The following MAP4 variants were observed in gnomAD, a reference collection of about 807,000 sequenced individuals.
MAP4 encodes the protein microtubule-associated protein 4.
In MAP4, 76 loss-of-function variants were observed where a neutral mutation model predicts 170.2. The ratio of observed to expected loss-of-function variants is 0.45; its 90% confidence interval spans 0.37 to 0.54. The LOEUF is 0.54. MAP4 is among the 20% of genes least tolerant of loss of function. MAP4 has a pLI of 0.00. For missense variants in MAP4, 2,506 were observed against 2,748.0 expected (o/e 0.91, Z 1.97); for synonymous variants, 909 against 994.5 (o/e 0.91, Z 1.62).
In MAP4 at chr3:48,086,088, ATG is replaced by A. The variant is rs542134396; in HGVS notation, c.-20+2683_-20+2684del. 4.3e-3 allele frequency among the ~76,000 whole-genome samples: 656 copies of A among 150,910 alleles called. 8 individuals are homozygous for A. Among genetic ancestry groups the A allele is most frequent in the Non-Finnish European group, 3.6e-3 (242 of 67,936 alleles). ...TATATATGTGTGTGTATATGTATGT[ATG>A]TGTGTATATATATGTATATGTGTAT... On this transcript the variant is annotated intron_variant, in intron 1 of 18. Transcript: ENST00000360240.
At chr3:48,031,305 A>T (rs2100115974) in intron 1 of MAP4, among the ~76,000 whole-genome samples, 1 of 152,232 alleles carries the variant, frequency 6.6e-6, no homozygotes, top group Admixed American at 6.5e-5. Context: ...TAATCCCAGC[A>T]CTTTGGGAAG....
At chr3:47,965,908 T>C (rs1213946388) in intron 3 of MAP4, among the ~76,000 whole-genome samples, 5 of 152,214 alleles carry the variant, frequency 3.3e-5, no homozygotes, top group African/African-American at 1.2e-4. Flanking sequence ...TTTTTTCTTT[T>C]GTCGTCTGTG....
chr3:47,929,485 A>G lies in MAP4; in HGVS notation c.293-1135T>C, dbSNP rs534282812. On this transcript the variant is annotated intron_variant, in intron 3 of 20. Coordinates refer to ENST00000683076, the MANE Select transcript of MAP4 (RefSeq NM_001385682.1). ...GCTATCTACAAACATAATATAATTC[A>G]ACATAATTATATTCAACCCAGAAAC... 4.6e-5 allele frequency among the ~76,000 whole-genome samples: 7 copies of G among 152,228 alleles called. No individual in the cohort carries two copies. In the East Asian group the frequency reaches 1.3e-3, roughly 29 times the overall value.
At chr3:47,942,753 G>A (rs1005073222) in intron 3 of MAP4, among the ~76,000 whole-genome samples, 7 of 152,218 alleles carry the variant, frequency 4.6e-5, no homozygotes, top group Middle Eastern at 3.4e-3. Flanking sequence ...TGGTAAAATC[G>A]TATTGATTGT....
chr3:48,002,954 A>AAAAT (rs55814118), intron 1 of MAP4, among the ~76,000 whole-genome samples: 44,630 of 144,514 alleles, frequency 0.31, 7,082 homozygotes, highest in East Asian at 0.45. Context: ...ATTAAGGCCA[A>AAAAT]AAATAAATAA....
In MAP4 at chr3:47,910,116, C is replaced by T. The variant is rs1221599206; in HGVS notation, c.4305G>A (p.Leu1435=). 1 of 1,613,950 alleles carries T rather than the reference C, an allele frequency of 6.2e-7. No homozygotes were observed. Among genetic ancestry groups the T allele is most frequent in the African/African-American group, 1.3e-5 (1 of 75,022 alleles). Residue 1435 remains leucine, a synonymous_variant, in exon 9 of 21, where the codon CTG becomes CTA. Transcript: ENST00000683076. ...LINKSSPLEV[L]ESAACEKLPT... ...GCAGTTTTTCACAGGCTGCTGATTC[C>T]AGAACCTCTAGAGGAGATGATTTAT...
intron 2 of MAP4, among the ~76,000 whole-genome samples, chr3:47,979,246 G>C (rs1420552419): frequency 8.3e-6 from 1 of 121,114 alleles, no homozygotes; most frequent in Admixed American, 8.8e-5. Flanking sequence ...TGATTAGGTA[G>C]TTACCTAATC....
At chr3:48,065,057 A>AAGTTCCAGGCTGC in intron 1 of MAP4, among the ~76,000 whole-genome samples, 1 of 152,228 alleles carries the variant, frequency 6.6e-6, no homozygotes, top group Admixed American at 6.5e-5. Context: ...TTGAACCCAG[A>AAGTTCCAGGCTGC]AGTTCCAGGC....
intron 3 of MAP4, among the ~76,000 whole-genome samples, chr3:47,972,140 TAGATATAAA>T (rs2100079150): frequency 6.6e-6 from 1 of 152,216 alleles, no homozygotes; most frequent in Non-Finnish European, 1.5e-5. Context: ...GCAAATTACT[TAGATATAAA>T]ATATTTTTAA....
chr3:47,901,512 C>CA (rs968630583), intron 10 of MAP4, among the ~76,000 whole-genome samples: 3 of 151,926 alleles, frequency 2.0e-5, no homozygotes, highest in African/African-American at 4.8e-5. Context: ...CCAGCCTCTA[C>CA]AAAAAATACA....
At chr3:47,954,519 C>T (rs1330121635) in intron 3 of MAP4, among the ~76,000 whole-genome samples, 1 of 152,194 alleles carries the variant, frequency 6.6e-6, no homozygotes, top group Non-Finnish European at 1.5e-5. Flanking sequence ...GACCTCTCAT[C>T]TAATTTCTAG....
chr3:47,885,754 A>G (rs1160408257), intron 10 of MAP4, among the ~76,000 whole-genome samples: 2 of 146,960 alleles, frequency 1.4e-5, no homozygotes, highest in Non-Finnish European at 1.5e-5. Flanking sequence ...TTTGAGACGG[A>G]ATCTCGCTCT....
chr3:48,053,535 TTTTTTA>T (rs1386602765), intron 1 of MAP4, among the ~76,000 whole-genome samples: 1 of 152,190 alleles, frequency 6.6e-6, no homozygotes, highest in African/African-American at 2.4e-5. Flanking sequence ...CACTTTTATT[TTTTTTA>T]TTTTTAAACT....
chr3:47,949,022 T>C (rs1356941001), intron 3 of MAP4, among the ~76,000 whole-genome samples: 2 of 152,162 alleles, frequency 1.3e-5, no homozygotes, highest in Non-Finnish European at 2.9e-5. Flanking sequence ...CAAACTGCAG[T>C]TTTTCTTTCA....
chr3:47,953,516 T>A (rs2100065838), intron 3 of MAP4, among the ~76,000 whole-genome samples: 1 of 152,164 alleles, frequency 6.6e-6, no homozygotes. Flanking sequence ...AGTGAGAGCC[T>A]GTCTCTAAAT....
chr3:48,000,932 G>T (rs990194416), intron 1 of MAP4, among the ~76,000 whole-genome samples: 2 of 152,058 alleles, frequency 1.3e-5, no homozygotes, highest in African/African-American at 2.4e-5. Context: ...CTTCATCTTT[G>T]TTCCCACACA....
In MAP4 at chr3:47,959,694, G is replaced by A. The variant is rs142155086; in HGVS notation, c.292+18171C>T. ...GCATGGCGTGAACCCGGGAGGTGGA[G>A]CATGCAGTGAGCCAAGATCGCGCCG... On this transcript the variant is annotated intron_variant, in intron 3 of 20. Coordinates refer to ENST00000683076, the MANE Select transcript of MAP4 (RefSeq NM_001385682.1). Among the ~76,000 whole-genome samples, 600 of 150,624 alleles carry A rather than the reference G, an allele frequency of 4.0e-3. 6 individuals are homozygous for A. The highest frequency in any genetic ancestry group is 0.014 in the African/African-American group (581 of 40,900).
chr3:47,925,011 C>G (rs774204877), intron 4 of MAP4, among the ~76,000 whole-genome samples: 2 of 152,114 alleles, frequency 1.3e-5, no homozygotes, highest in African/African-American at 2.4e-5. Context: ...GGGGTTTCAC[C>G]ATGTTGGCCA....
At chr3:47,947,697 G>C (rs995331957) in intron 3 of MAP4, among the ~76,000 whole-genome samples, 1 of 151,208 alleles carries the variant, frequency 6.6e-6, no homozygotes, top group Non-Finnish European at 1.5e-5. Flanking sequence ...TGTAGTCCCA[G>C]TTACTCGGGA....
Sources: allele counts gnomAD v4.1 joint callset (sites outside exome capture counted in the v4.1 genomes callset), GRCh38; gene constraint gnomAD v4.1.1; transcripts MANE v1.5; gene names NCBI Gene and HGNC (gene_info 2026-07-23, HGNC 2026-07-21).